The following CSMD1 variants were observed in gnomAD, a reference collection of about 807,000 sequenced individuals.
The protein encoded by CSMD1 is CUB and sushi domain-containing protein 1.
A neutral mutation model predicts 417.5 loss-of-function variants in CSMD1; 213 were observed. That is an observed-to-expected ratio of 0.51 (90% CI 0.46 to 0.57). The LOEUF (loss-of-function observed/expected upper bound fraction) is 0.57. Ranked by LOEUF, CSMD1 falls within the 20% of genes least tolerant of loss-of-function variation. The pLI, the probability that CSMD1 is intolerant of heterozygous loss-of-function variation, is 0.00. For missense variants in CSMD1, 6,923 were observed against 4,529.7 expected (o/e 1.53, Z -15.17); for synonymous variants, 2,862 against 1,736.8 (o/e 1.65, Z -16.11).
chr8:4,466,347 G>A (rs1800167912), intron 2 of CSMD1, among the ~76,000 whole-genome samples: 1 of 152,170 alleles, frequency 6.6e-6, no homozygotes, highest in African/African-American at 2.4e-5. Context: ...AAAGTTGACA[G>A]AGGTTGACAA....
intron 10 of CSMD1, among the ~76,000 whole-genome samples, chr8:3,539,878 T>C (rs984114552): frequency 1.3e-5 from 2 of 152,300 alleles, no homozygotes; most frequent in African/African-American, 4.8e-5. Flanking sequence ...CAAACGAACT[T>C]AGAAAACGGC....
At chr8:3,823,090 G>A (rs1039456131) in intron 5 of CSMD1, among the ~76,000 whole-genome samples, 1 of 152,094 alleles carries the variant, frequency 6.6e-6, no homozygotes, top group Admixed American at 6.6e-5. Context: ...TAAATTACCT[G>A]GGATCTCATG....
intron 3 of CSMD1, among the ~76,000 whole-genome samples, chr8:4,351,205 A>T (rs1260899253): frequency 6.6e-6 from 1 of 152,148 alleles, no homozygotes; most frequent in African/African-American, 2.4e-5. Context: ...AGTTAATAAA[A>T]TGTACCAAGT....
chr8:4,594,156 C>G (rs1800137233), intron 2 of CSMD1, among the ~76,000 whole-genome samples: 3 of 149,520 alleles, frequency 2.0e-5, no homozygotes, highest in African/African-American at 2.4e-5. Context: ...AGGACCCACT[C>G]CAATTACCTC....
intron 50 of CSMD1, among the ~76,000 whole-genome samples, chr8:3,051,992 G>A (rs1693406006): frequency 1.3e-5 from 2 of 152,136 alleles, no homozygotes; most frequent in African/African-American, 4.8e-5. Context: ...TTTATTTACT[G>A]AGCATCGATG....
At chr8:3,295,499 A>G (rs1803899139) in intron 25 of CSMD1, among the ~76,000 whole-genome samples, 1 of 152,144 alleles carries the variant, frequency 6.6e-6, no homozygotes, top group Non-Finnish European at 1.5e-5. Flanking sequence ...AATTTACTTT[A>G]AAACTGTAAG....
chr8:4,103,089 A>C (rs932203608), intron 3 of CSMD1, among the ~76,000 whole-genome samples: 1 of 152,178 alleles, frequency 6.6e-6, no homozygotes. Context: ...TGAGCTCCAG[A>C]CAGTTCTATA....
chr8:3,819,344 G>A (rs914871918), intron 5 of CSMD1, among the ~76,000 whole-genome samples: 1 of 152,286 alleles, frequency 6.6e-6, no homozygotes, highest in East Asian at 1.9e-4. Context: ...GGAGATTCAT[G>A]TCATTTCATT....
intron 5 of CSMD1, among the ~76,000 whole-genome samples, chr8:3,849,678 G>A (rs1803756250): frequency 6.6e-6 from 1 of 152,282 alleles, no homozygotes; most frequent in Admixed American, 6.5e-5. Flanking sequence ...TTTTAGTGAT[G>A]TTGTCAACTG....
At position 4,352,245 on chromosome 8, in the gene CSMD1, T is replaced by A. The variant is rs1407468958; in HGVS notation, c.415+67708A>T. Among the ~76,000 whole-genome samples the A allele has an allele frequency of 2.0e-5, 3 of 152,286 alleles. 1 individual carries two copies. Among genetic ancestry groups the A allele is most frequent in the African/African-American group, 7.2e-5 (3 of 41,560 alleles). ...TGCAATTGTAAGCACCAACATAAGG[T>A]TCTAAATGGAAATGAACTCACCTGC... On this transcript the variant is annotated intron_variant, in intron 3 of 69. Coordinates refer to ENST00000635120, the MANE Select transcript of CSMD1 (RefSeq NM_033225.6).
intron 1 of CSMD1, among the ~76,000 whole-genome samples, chr8:4,814,921 G>A (rs902301408): frequency 1.3e-5 from 2 of 152,140 alleles, no homozygotes; most frequent in Non-Finnish European, 2.9e-5. Flanking sequence ...GTATTTGGTT[G>A]AATAAACATT....
chr8:3,458,214 G>A (rs553275418), intron 12 of CSMD1, among the ~76,000 whole-genome samples: 6 of 152,234 alleles, frequency 3.9e-5, no homozygotes, highest in Admixed American at 2.0e-4. Flanking sequence ...TGGAGCTAAC[G>A]GGCCACTAAC....
At chr8:4,745,660 A>G (rs1208313494) in intron 1 of CSMD1, among the ~76,000 whole-genome samples, 1 of 152,220 alleles carries the variant, frequency 6.6e-6, no homozygotes, top group Non-Finnish European at 1.5e-5. Flanking sequence ...TAAAAGAAAA[A>G]GAAAACACAG....
intron 10 of CSMD1, among the ~76,000 whole-genome samples, chr8:3,556,637 G>T (rs553821818): frequency 1.3e-5 from 2 of 151,504 alleles, no homozygotes; most frequent in Non-Finnish European, 2.9e-5. Flanking sequence ...CGTGGGGGCT[G>T]CCTGTGCCAC....
chr8:3,709,683 T>TGC lies in CSMD1; in HGVS notation c.932-1193_932-1192insGC, dbSNP rs1351716974. Among the ~76,000 whole-genome samples the TGC allele has an allele frequency of 6.1e-3, 627 of 102,386 alleles. 47 individuals are homozygous for TGC. The highest frequency in any genetic ancestry group is 9.3e-3 in the Non-Finnish European group (448 of 48,072). The allele number at this position is 102,386 out of a possible 152,430, so 67.2% of individuals were successfully genotyped here. A position where few individuals can be genotyped will look rare whatever the true frequency, so the allele number is the denominator to read the frequency against. ...GGGCTTTAAATTGCAGCAGCATGTT[T>TGC]TTTTTTTTTTTTTTTTTTTTTTTTT... On this transcript the variant is annotated intron_variant, in intron 6 of 69. Transcript: ENST00000635120.
chr8:2,976,030 A>C lies in CSMD1; in HGVS notation c.8567-1406T>G, dbSNP rs181669236. ...TGAAAAATTCCCATGTGTGAAAGCA[A>C]GGAAGATGAGAATGCAGACATAATT... On this transcript the variant is annotated intron_variant, in intron 55 of 69. Transcript: ENST00000635120. Among the ~76,000 whole-genome samples the C allele has an allele frequency of 1.4e-3, 208 of 152,358 alleles. 1 individual carries two copies. The highest frequency in any genetic ancestry group is 4.9e-3 in the African/African-American group (205 of 41,590).
chr8:4,501,453 G>A (rs1452236885), intron 2 of CSMD1, among the ~76,000 whole-genome samples: 2 of 152,116 alleles, frequency 1.3e-5, no homozygotes, highest in African/African-American at 2.4e-5. Flanking sequence ...GATATTTCAA[G>A]AATACTTTTC....
intron 3 of CSMD1, among the ~76,000 whole-genome samples, chr8:4,079,703 T>C (rs1041710095): frequency 6.6e-6 from 1 of 152,240 alleles, no homozygotes; most frequent in African/African-American, 2.4e-5. Flanking sequence ...AAACTTGCTT[T>C]CTTTCCATAG....
chr8:3,327,525 G>T (rs141983954), intron 23 of CSMD1, among the ~76,000 whole-genome samples: 2 of 152,110 alleles, frequency 1.3e-5, no homozygotes, highest in Non-Finnish European at 2.9e-5. Flanking sequence ...CATAATATCA[G>T]TTTAATGTCT....
Sources: gnomAD v4.1 joint callset for allele counts (sites outside exome capture counted in the v4.1 genomes callset) on GRCh38, gnomAD v4.1.1 for gene constraint, MANE v1.5 for transcripts, NCBI Gene and HGNC (gene_info 2026-07-23, HGNC 2026-07-21) for gene names.